ITGAM: variants seen among roughly 807,000 people sequenced by gnomAD.
The protein encoded by ITGAM is integrin subunit alpha M, also known as integrin alpha-M.
Under a neutral mutation model 137.5 loss-of-function variants are expected in ITGAM, and 79 were observed. The ratio of observed to expected loss-of-function variants is 0.57; its 90% CI spans 0.48 to 0.69. The LOEUF (loss-of-function observed/expected upper bound fraction) is 0.69, where lower values mean the gene tolerates loss of function less well. ITGAM is among the 30% of genes least tolerant of loss of function. The pLI is 0.00. For synonymous variants in ITGAM, 583 were observed against 592.3 expected (o/e 0.98, Z 0.23); for missense variants, 1,343 against 1,483.5 (o/e 0.91, Z 1.56).
At chr16:31,314,706 A>G (rs1373039563) in intron 14 of ITGAM, among the ~76,000 whole-genome samples, 1 of 151,844 alleles carries the variant, frequency 6.6e-6, no homozygotes, top group East Asian at 1.9e-4. Flanking sequence ...TGTCTTGGCT[A>G]TATGGGCTCT....
intron 14 of ITGAM, among the ~76,000 whole-genome samples, chr16:31,299,766 TCCTCCTCCTCCTCCTCCG>T (rs1038194049): frequency 5.5e-5 from 5 of 91,690 alleles, no homozygotes; most frequent in African/African-American, 3.3e-4. Flanking sequence ...CTCCTCCTCT[TCCTCCTCCTCCTCCTCCG>T]CCTCCCCCTC....
rs772657662 is a variant in ITGAM, at chr16:31,271,829, C to T, written c.559-18C>T. ...GGGGGCACCTTCTCCAGCATCACAC[C>T]AGCCGCCCCCTCCGCAGTTCTCTTT... On this transcript the variant is annotated intron_variant, in intron 6 of 29. Transcript: ENST00000544665. The T allele has an allele frequency of 6.2e-7, 1 of 1,613,734 alleles. No individual in the cohort carries two copies. The highest frequency in any genetic ancestry group is 1.1e-5 in the South Asian group (1 of 91,044).
intron 2 of ITGAM, among the ~76,000 whole-genome samples, chr16:31,262,215 T>G (rs1384933532): frequency 6.6e-6 from 1 of 152,164 alleles, no homozygotes; most frequent in Non-Finnish European, 1.5e-5. Flanking sequence ...TGTCTCTTAC[T>G]GTTTATTGCC....
rs144094974 is a variant in ITGAM at position 31,287,854 on chromosome 16, C to T, written c.1357-9660C>T. 4.6e-3 allele frequency among the ~76,000 whole-genome samples: 705 copies of T among 152,126 alleles called. 5 individuals are homozygous for T. Among genetic ancestry groups the T allele is most frequent in the African/African-American group, 0.016 (664 of 41,504 alleles). ...TGGGGAAAAAAGTGTAGAGGAATTA[C>T]GGGAAGTCAAGTGTGGATTGGATGC... On this transcript the variant is annotated intron_variant, in intron 12 of 29. Transcript: ENST00000544665.
chr16:31,331,085 T>A (rs940101963), intron 28 of ITGAM, 80 bp from the exon 29 acceptor site: 1 of 737,504 alleles, frequency 1.4e-6, no homozygotes, highest in Non-Finnish European at 2.4e-6. Context: ...CCCACTTGAT[T>A]CAGGGGTGCA....
intron 16 of ITGAM, among the ~76,000 whole-genome samples, chr16:31,322,396 A>T (rs2080459663): frequency 6.6e-6 from 1 of 152,214 alleles, no homozygotes; most frequent in African/African-American, 2.4e-5. Context: ...AATGTTAGAG[A>T]GTAGGGAATT....
At chr16:31,321,708 C>A in intron 16 of ITGAM, 81 bp downstream of exon 16, 1 of 1,426,244 alleles carries the variant, frequency 7.0e-7, no homozygotes, top group South Asian at 1.3e-5. Flanking sequence ...GCCCAGCCTT[C>A]TGGCTGTCCT....
rs1351201972 is a variant in ITGAM, at chr16:31,324,372, C to T, written c.2003-27C>T. The stretch of plus-strand genomic sequence containing the variant: ...GCCGGGTTCCGAGGCTCAGGCCCCT[C>T]ACTGCTGTGCCACCCTGTCCCTTCA... On this transcript the variant is annotated intron_variant, in intron 16 of 29. Coordinates refer to ENST00000544665, the MANE Select transcript of ITGAM (RefSeq NM_000632.4). The surrounding 1 kb of genome is among the most constrained non-coding windows in gnomAD (Gnocchi z 4.5). 5.8e-6 allele frequency: 9 copies of T among 1,548,078 alleles called. No individual in the cohort carries two copies. The highest frequency in any genetic ancestry group is 6.1e-6 in the Non-Finnish European group (7 of 1,144,042).
chr16:31,274,128 G>A lies in ITGAM; in HGVS notation c.858+610G>A, dbSNP rs566371264. Among the ~76,000 whole-genome samples the A allele has an allele frequency of 4.6e-5, 7 of 152,270 alleles. No homozygotes were observed. In the South Asian group the frequency reaches 6.2e-4, roughly 14 times the overall value. On this transcript the variant is annotated intron_variant, in intron 8 of 29. Coordinates refer to ENST00000544665, the MANE Select transcript of ITGAM (RefSeq NM_000632.4). Reference sequence around the variant, plus strand: ...CGCTGATGCTATTTCAATCACAAACGCCACAAGCTGCATGGAATTCCCAAG... The same window carrying A: ...CGCTGATGCTATTTCAATCACAAACACCACAAGCTGCATGGAATTCCCAAG...
At position 31,271,807 on chromosome 16, in the gene ITGAM, G is replaced by A. The variant is rs769421141; in HGVS notation, c.559-40G>A. ...TGCTGGGAGATGTCTGAGGGGTGGG[G>A]GCACCTTCTCCAGCATCACACCAGC... On this transcript the variant is annotated intron_variant, in intron 6 of 29. Coordinates refer to ENST00000544665, the MANE Select transcript of ITGAM (RefSeq NM_000632.4). 7.4e-6 allele frequency: 12 copies of A among 1,612,026 alleles called. No homozygotes were observed. In the East Asian group the frequency reaches 2.5e-4, roughly 33 times the overall value.
Position 31,297,734 on chromosome 16 carries a change from G to T in ITGAM, c.1498-11G>T, listed in dbSNP as rs1330382667. On this transcript the variant is annotated splice_polypyrimidine_tract_variant and intron_variant, in intron 13 of 29. Coordinates refer to ENST00000544665, the MANE Select transcript of ITGAM (RefSeq NM_000632.4). ...CCTGGGTTGGGGCCTGATACTGTTT[G>T]TGTTTAGCAGAGGGCTCGGTGGCAG... is the stretch of plus-strand genomic sequence containing the variant. The T allele has an allele frequency of 6.3e-7, 1 of 1,595,650 alleles. No homozygotes were observed. Among genetic ancestry groups the T allele is most frequent in the Admixed American group, 1.8e-5 (1 of 54,206 alleles).
chr16:31,328,885 AGT>A (rs1277807091), intron 23 of ITGAM: 14 of 383,768 alleles, frequency 3.6e-5, no homozygotes, highest in Admixed American at 4.7e-5. Flanking sequence ...TGTGTGCATG[AGT>A]GTGTATTCGT....
rs778809073 is a variant in ITGAM, at chr16:31,276,693, C to A, written c.1032C>A (p.Ser344Arg). 2.5e-6 allele frequency: 4 copies of A among 1,611,930 alleles called. No homozygotes were observed. Among genetic ancestry groups the A allele is most frequent in the Admixed American group, 1.7e-5 (1 of 59,736 alleles). The change falls in exon 10 of 30, where the codon AGC becomes AGA. Residue 344 changes from serine to arginine, a missense_variant. Transcript: ENST00000544665. ...AIEGTQTGSSSSFEHEMSQEG... is the reference protein window; with the variant it reads ...AIEGTQTGSSRSFEHEMSQEG... ...CAGGTACTCAGACAGGAAGTAGCAG[C>A]TCCTTTGAGCATGAGATGTCTCAGG...
rs757080516 is a variant in ITGAM, at chr16:31,265,457, G to A, written c.197G>A (p.Cys66Tyr). 1 of 1,607,602 alleles carries A rather than the reference G, an allele frequency of 6.2e-7. No homozygotes were observed. The highest frequency in any genetic ancestry group is 1.1e-5 in the South Asian group (1 of 89,792). The change falls in exon 3 of 30, where the codon TGC becomes TAC. Residue 66 changes from cysteine to tyrosine, a missense_variant. Coordinates refer to ENST00000544665, the MANE Select transcript of ITGAM (RefSeq NM_000632.4). The part of the protein sequence containing the change: ...AANQRGSLYQ[C>Y]DYSTGSCEPI... ...AACCAAAGGGGCAGCCTCTACCAGT[G>A]CGACTACAGCACAGGCTCATGCGAG...
rs2080597232 is a variant in ITGAM, at chr16:31,332,178, G to A, written c.*471G>A. 1 of 156,198 alleles carries A rather than the reference G, an allele frequency of 6.4e-6. No individual in the cohort carries two copies. The highest frequency in any genetic ancestry group is 2.4e-5 in the African/African-American group (1 of 41,570). 9.7% of individuals were successfully genotyped at this position (156,198 alleles called of 1,614,324 possible). ...CTGCTGGGTTTTCCTCCGGGAGAGG[G>A]GACGGTCAATCCTGTGGGTGAAGAC... On this transcript the variant is annotated 3_prime_UTR_variant, in exon 30 of 30. Coordinates refer to ENST00000544665, the MANE Select transcript of ITGAM (RefSeq NM_000632.4).
intron 14 of ITGAM, among the ~76,000 whole-genome samples, chr16:31,312,873 CTT>C (rs58746448): frequency 2.5e-3 from 344 of 137,454 alleles, no homozygotes; most frequent in East Asian, 4.2e-3. Flanking sequence ...AGGGAGCAGT[CTT>C]TTTTTTTTTT....
chr16:31,329,529 T>G (rs1348542658), intron 24 of ITGAM, among the ~76,000 whole-genome samples: 1 of 152,120 alleles, frequency 6.6e-6, no homozygotes, highest in Non-Finnish European at 1.5e-5. Flanking sequence ...TGGGGCACTG[T>G]CATGATCCCC....
intron 23 of ITGAM, 155 bp from the exon 24 acceptor site, chr16:31,329,073 T>TTCCCCCTCCCCCCCCCCCCCCCCCCC: frequency 4.7e-6 from 2 of 426,236 alleles, no homozygotes; most frequent in Non-Finnish European, 4.5e-6. Context: ...ACACATTGGT[T>TTCCCCCTCCCCCCCCCCCCCCCCCCC]CCCCCATCCC....
chr16:31,294,432 T>C (rs554770063), intron 12 of ITGAM, among the ~76,000 whole-genome samples: 5 of 152,292 alleles, frequency 3.3e-5, no homozygotes, highest in South Asian at 4.1e-4. Flanking sequence ...ATTGAGAATT[T>C]TTAACATAAA....
Sources: gnomAD v4.1 joint callset for allele counts (sites outside exome capture counted in the v4.1 genomes callset) on GRCh38, gnomAD v4.1.1 for gene constraint, Gnocchi (gnomAD v3.1) non-coding constraint, MANE v1.5 for transcripts, NCBI Gene and HGNC (gene_info 2026-07-23, HGNC 2026-07-21) for gene names.